CASP4: variants seen among roughly 807,000 people sequenced by gnomAD.
The protein encoded by CASP4 is caspase 4.
In CASP4, 29 loss-of-function variants were observed where a neutral mutation model predicts 41.3. The observed-to-expected ratio is 0.70, with a 90% confidence interval of 0.52 to 0.96. The LOEUF (loss-of-function observed/expected upper bound fraction) is 0.96, where lower values mean the gene tolerates loss of function less well. CASP4 is among the 40% of genes least tolerant of loss of function. The probability of loss-of-function intolerance (pLI) is 0.00; values close to 1 mark genes in which losing one functional copy is unlikely to be tolerated. For synonymous variants in CASP4, 185 were observed against 158.4 expected (o/e 1.17, Z -1.26); for missense variants, 447 against 460.6 (o/e 0.97, Z 0.27).
intron 1 of CASP4, among the ~76,000 whole-genome samples, chr11:104,959,165 C>G (rs904777982): frequency 9.2e-5 from 14 of 151,688 alleles, no homozygotes; most frequent in Admixed American, 7.9e-4. Flanking sequence ...TCACAATAGC[C>G]AAGATATAAA....
rs1324543880 is a variant in CASP4 at position 104,954,721 on chromosome 11, A to G, written c.262+26T>C. 5.6e-6 allele frequency: 9 copies of G among 1,606,684 alleles called. No individual in the cohort carries two copies. The Admixed American group carries it at 1.5e-4, about 27-fold the overall frequency. ...AAACAGATTTAGGGAAAATTGAGAC[A>G]TTCATTGTAAAAAATCCAGTCTTAC... is the stretch of plus-strand genomic sequence containing the variant. On this transcript the variant is annotated intron_variant, in intron 2 of 8. Coordinates refer to ENST00000444739, the MANE Select transcript of CASP4 (RefSeq NM_001225.4).
intron 4 of CASP4, among the ~76,000 whole-genome samples, chr11:104,950,264 C>G (rs989325060): frequency 6.6e-6 from 1 of 152,156 alleles, no homozygotes; most frequent in Non-Finnish European, 1.5e-5. Context: ...TCAGCTCTTT[C>G]ACAGGTGGCG....
intron 1 of CASP4, among the ~76,000 whole-genome samples, chr11:104,958,441 T>A (rs1860783574): frequency 6.6e-6 from 1 of 151,862 alleles, no homozygotes; most frequent in Non-Finnish European, 1.5e-5. Context: ...AGAAAGAAAA[T>A]AAACTGATTT....
At chr11:104,945,611 A>C (rs960418428) in intron 7 of CASP4, among the ~76,000 whole-genome samples, 32 of 152,026 alleles carry the variant, frequency 2.1e-4, no homozygotes, top group Admixed American at 2.6e-4. Flanking sequence ...CTCCACCACC[A>C]AGCTGATCTT....
Position 104,950,158 on chromosome 11 carries a change from A to G in CASP4, c.547-381T>C, listed in dbSNP as rs115217772. ...AGAATAGAATCAAACTTCTGGCCTG[A>G]CCATACACCACCCTCATACTATGTT... On this transcript the variant is annotated intron_variant, in intron 4 of 8. Transcript: ENST00000444739. 4.5e-3 allele frequency among the ~76,000 whole-genome samples: 689 copies of G among 152,192 alleles called. 4 individuals carry two copies. The highest frequency in any genetic ancestry group is 0.015 in the African/African-American group (643 of 41,530).
intron 1 of CASP4, 87 bp from the exon 2 acceptor site, chr11:104,955,088 T>A (rs1193328474): frequency 3.8e-6 from 5 of 1,319,102 alleles, no homozygotes; most frequent in Non-Finnish European, 5.2e-6. Context: ...TAATGTGAAA[T>A]ACTTCTGAAA....
At position 104,950,959 on chromosome 11, in the gene CASP4, T is replaced by C; in HGVS notation, c.512A>G (p.Tyr171Cys). The change falls in exon 4 of 9, where the codon TAT becomes TGT. Residue 171 changes from tyrosine to cysteine, a missense_variant. Transcript: ENST00000444739. ...CAGATTCTCTTCTACATCTACACTA[T>C]AGTCCAGACCCTCAAGTAGCTCCTT... ...GMKELLEGLD[Y>C]SVDVEENLTA... 1 of 1,613,294 alleles carries C rather than the reference T, an allele frequency of 6.2e-7. No individual in the cohort carries two copies. The highest frequency in any genetic ancestry group is 8.5e-7 in the Non-Finnish European group (1 of 1,179,516).
intron 1 of CASP4, among the ~76,000 whole-genome samples, chr11:104,964,067 A>C (rs1860920275): frequency 6.6e-6 from 1 of 152,158 alleles, no homozygotes; most frequent in African/African-American, 2.4e-5. Flanking sequence ...CATTATTAGT[A>C]ATTATAATTG....
In CASP4 at chr11:104,947,147, GTGA is replaced by G. The variant is rs1035269282; in HGVS notation, c.968_970del (p.Ile323del). 1.9e-6 allele frequency: 3 copies of G among 1,613,018 alleles called. No homozygotes were observed. The African/African-American group carries it at 4.0e-5, about 22-fold the overall frequency. The stretch of plus-strand genomic sequence containing the variant: ...TTTCTGGAAGCATGTGATGAGTTGT[GTGA>G]TGAAGATAGAGCCCATTGTGCTGTC... On this transcript the variant is annotated inframe_deletion, in exon 7 of 9. Coordinates refer to ENST00000444739, the MANE Select transcript of CASP4 (RefSeq NM_001225.4).
chr11:104,953,717 T>A (rs1005669436), intron 2 of CASP4, among the ~76,000 whole-genome samples: 1 of 152,268 alleles, frequency 6.6e-6, no homozygotes. Flanking sequence ...TTATTGGTAA[T>A]CTGTAATACT....
intron 7 of CASP4, among the ~76,000 whole-genome samples, chr11:104,946,055 G>T (rs1035469988): frequency 2.6e-5 from 4 of 151,920 alleles, no homozygotes; most frequent in African/African-American, 9.7e-5. Context: ...ATGTTGCCCA[G>T]GTTGGCCTCA....
rs56091006 is a variant in CASP4 at position 104,958,822 on chromosome 11, G to A, written c.8-3821C>T. Reference sequence around the variant, plus strand: ...GTAAAAATACAAAAATTAGCCGAGCGTGGTGGTGGGCGCCTGTAATCTTAG... The same window carrying A: ...GTAAAAATACAAAAATTAGCCGAGCATGGTGGTGGGCGCCTGTAATCTTAG... On this transcript the variant is annotated intron_variant, in intron 1 of 8. Coordinates refer to ENST00000444739, the MANE Select transcript of CASP4 (RefSeq NM_001225.4). 6.6e-3 allele frequency among the ~76,000 whole-genome samples: 996 copies of A among 151,902 alleles called. 7 individuals are homozygous for A. The highest frequency in any genetic ancestry group is 0.023 in the African/African-American group (942 of 41,450).
chr11:104,951,167 G>A (rs1318435035), intron 3 of CASP4, 69 bp from the exon 4 acceptor site: 7 of 1,424,558 alleles, frequency 4.9e-6, no homozygotes, highest in African/African-American at 1.4e-5. Context: ...ATGCCTATCA[G>A]TGTTGCTTTT....
chr11:104,950,820 A>C (rs1160794228), intron 4 of CASP4, 105 bp downstream of exon 4: 3 of 1,004,990 alleles, frequency 3.0e-6, no homozygotes, highest in Admixed American at 4.5e-5. Flanking sequence ...ACACACACAC[A>C]CACCCAAAGG....
At chr11:104,946,873 G>A (rs1317179719) in intron 7 of CASP4, 1 of 428,270 alleles carries the variant, frequency 2.3e-6, no homozygotes, top group Non-Finnish European at 4.3e-6. Context: ...TAAAGCTTAT[G>A]GTTGATATTA....
At chr11:104,949,521 G>T (rs1035479466) in intron 5 of CASP4, 22 bp downstream of exon 5, 5 of 1,609,164 alleles carry the variant, frequency 3.1e-6, no homozygotes, top group Non-Finnish European at 4.3e-6. Flanking sequence ...ATAACTGTTA[G>T]ATGTTCAGTC....
intron 6 of CASP4, chr11:104,948,277 T>G: frequency 3.8e-6 from 1 of 263,190 alleles, no homozygotes; most frequent in Non-Finnish European, 7.2e-6. Flanking sequence ...ATAAAAACAC[T>G]ATGTAAAATG....
intron 5 of CASP4, 43 bp from the exon 6 acceptor site, chr11:104,948,719 A>G (rs1284107112): frequency 5.3e-6 from 8 of 1,522,034 alleles, no homozygotes; most frequent in Non-Finnish European, 7.1e-6. Context: ...TGCCTCCCAC[A>G]GAATGGCTGT....
intron 7 of CASP4, among the ~76,000 whole-genome samples, chr11:104,945,330 G>A (rs1439493636): frequency 6.7e-6 from 1 of 150,160 alleles, no homozygotes; most frequent in Non-Finnish European, 1.5e-5. Flanking sequence ...TCGGCTCACT[G>A]CAACCTCCGC....
Sources: gnomAD v4.1 joint callset for allele counts (sites outside exome capture counted in the v4.1 genomes callset) on GRCh38, gnomAD v4.1.1 for gene constraint, MANE v1.5 for transcripts, NCBI Gene and HGNC (gene_info 2026-07-23, HGNC 2026-07-21) for gene names.